C2orf49: variants seen among roughly 807,000 people sequenced by gnomAD.
C2orf49 encodes the protein tRNA splicing ligase complex subunit 2, also known as tRNA-splicing ligase complex subunit ASW.
A neutral mutation model predicts 20.6 loss-of-function variants in C2orf49; 11 were observed. The ratio of observed to expected loss-of-function variants is 0.53; its 90% CI spans 0.34 to 0.88. C2orf49 has a LOEUF of 0.88. Ranked by LOEUF, C2orf49 falls within the 40% of genes least tolerant of loss-of-function variation. C2orf49 has a pLI of 0.02. For missense variants in C2orf49, 289 were observed against 274.2 expected (o/e 1.05, Z -0.38); for synonymous variants, 134 against 108.5 (o/e 1.24, Z -1.46).
chr2:105,363,531 C>T, the C2orf49 span: 8 of 1,446,522 alleles, frequency 5.5e-6, no homozygotes, highest in South Asian at 9.2e-5. Flanking sequence ...TCTTCAGTCT[C>T]AGCTACTGCC....
chr2:105,361,286 G>A, the C2orf49 span: 6 of 1,612,060 alleles, frequency 3.7e-6, no homozygotes, highest in Admixed American at 1.7e-5. Flanking sequence ...GTTGAATTCA[G>A]ATGTCTTTCC....
chr2:105,364,254 AAAAAC>A, the C2orf49 span, among the ~76,000 whole-genome samples: 45,536 of 151,246 alleles, frequency 0.3, 7,532 homozygotes, highest in Non-Finnish European at 0.38. Context: ...AGACTGTCTC[AAAAAC>A]AAAACAAAAC....
chr2:105,353,326 G>A (rs1259175994), downstream of C2orf49, among the ~76,000 whole-genome samples: 4 of 152,128 alleles, frequency 2.6e-5, no homozygotes, highest in South Asian at 6.2e-4. Context: ...CCCTCAGAAC[G>A]TAGTGAGTAA....
chr2:105,356,460 A>G, the C2orf49 span, among the ~76,000 whole-genome samples: 1 of 152,052 alleles, frequency 6.6e-6, no homozygotes, highest in African/African-American at 2.4e-5. Flanking sequence ...CTGTAGCCCT[A>G]GCTACTTGAG....
chr2:105,341,650 G>C (rs955826016), intron 2 of C2orf49, among the ~76,000 whole-genome samples: 1 of 152,218 alleles, frequency 6.6e-6, no homozygotes, highest in African/African-American at 2.4e-5. Flanking sequence ...GATGTTCAGT[G>C]ATGACCCAAG....
At chr2:105,367,554 G>T in the C2orf49 span, 3 of 1,603,970 alleles carry the variant, frequency 1.9e-6, no homozygotes, top group Admixed American at 5.0e-5. Context: ...AAGGGCCAAG[G>T]GGGCATCTGA....
At chr2:105,342,738 T>G in intron 2 of C2orf49, 110 bp from the exon 3 acceptor site, 2 of 1,067,246 alleles carry the variant, frequency 1.9e-6, no homozygotes, top group Non-Finnish European at 2.7e-6. Flanking sequence ...AGTCTCAGAT[T>G]AGTCTTATCA....
the C2orf49 span, among the ~76,000 whole-genome samples, chr2:105,381,373 A>G: frequency 1.3e-5 from 2 of 152,132 alleles, no homozygotes. Flanking sequence ...TTACCCCGAC[A>G]GTCCCGTGAG....
At chr2:105,363,564 T>C in the C2orf49 span, 3 of 1,162,746 alleles carry the variant, frequency 2.6e-6, no homozygotes, top group Non-Finnish European at 3.6e-6. Context: ...AAGATCCTCA[T>C]CCAGAAACGT....
chr2:105,358,887 A>G, the C2orf49 span: 1 of 151,954 alleles, frequency 6.6e-6, no homozygotes, highest in Non-Finnish European at 1.5e-5. Context: ...CCTTTTCAGG[A>G]TTTTCTTCCT....
At chr2:105,343,500 T>G (rs1679730284) in intron 3 of C2orf49, among the ~76,000 whole-genome samples, 1 of 152,230 alleles carries the variant, frequency 6.6e-6, no homozygotes, top group Non-Finnish European at 1.5e-5. Context: ...TTTTTCTCAT[T>G]TAGTTCCTTT....
In C2orf49 at chr2:105,337,617, C is replaced by T; in HGVS notation, c.30C>T (p.Cys10=). 2 of 1,611,952 alleles carry T rather than the reference C, an allele frequency of 1.2e-6. No homozygotes were observed. The highest frequency in any genetic ancestry group is 1.1e-5 in the South Asian group (1 of 91,028). The change falls in exon 1 of 4, where the codon TGC becomes TGT. Residue 10 remains cysteine (C), a synonymous_variant. Transcript: ENST00000258457. MAGDVGGRS[C]TDSELLLHPE... ...CGGGGGATGTGGGCGGTCGCAGCTG[C>T]ACGGACTCGGAACTGCTGCTGCACC... is the stretch of plus-strand genomic sequence containing the variant.
rs1679810975 is a variant in C2orf49, at chr2:105,346,381, G to A, written c.*1010G>A. ...GATTCTGTACCTGGCCCATCCTTTA[G>A]AATGTTCTTGTCATGTAGCAGTCCT... On this transcript the variant is annotated 3_prime_UTR_variant, in exon 4 of 4. Transcript: ENST00000258457. 6.6e-6 allele frequency: 1 copy of A among 152,186 alleles called. No homozygotes were observed. Among genetic ancestry groups the A allele is most frequent in the Admixed American group, 6.5e-5 (1 of 15,274 alleles). The allele number at this position is 152,186 out of a possible 1,614,324, so 9.4% of individuals were successfully genotyped here.
rs563576882 is a variant in C2orf49, at chr2:105,338,536, T to A, written c.99+850T>A. On this transcript the variant is annotated intron_variant, in intron 1 of 3. Coordinates refer to ENST00000258457, the MANE Select transcript of C2orf49 (RefSeq NM_024093.3). ...AGTTCCGGAATGTGGCCCGAAATCT[T>A]GCATTTTTAACGAGCTTGTTGCTGG... Among the ~76,000 whole-genome samples the A allele has an allele frequency of 1.1e-4, 16 of 152,328 alleles. No homozygotes were observed. The South Asian group carries it at 3.3e-3, about 32-fold the overall frequency.
At chr2:105,359,952 A>C in the C2orf49 span, 1 of 152,332 alleles carries the variant, frequency 6.6e-6, no homozygotes, top group East Asian at 1.9e-4. Context: ...CTTCACTGTC[A>C]GTTTATGTTA....
chr2:105,363,435 G>A, the C2orf49 span: 1 of 1,612,148 alleles, frequency 6.2e-7, no homozygotes, highest in Non-Finnish European at 8.5e-7. Flanking sequence ...TTGTGCCAGG[G>A]CTGCTCCCGG....
chr2:105,373,548 T>C, the C2orf49 span: 2 of 1,613,674 alleles, frequency 1.2e-6, no homozygotes, highest in African/African-American at 2.7e-5. Flanking sequence ...GAGAAAGGAG[T>C]GCCTCCTGAC....
intron 2 of C2orf49, among the ~76,000 whole-genome samples, chr2:105,340,003 C>T (rs562136112): frequency 2.8e-4 from 43 of 152,276 alleles, no homozygotes; most frequent in African/African-American, 9.9e-4. Flanking sequence ...AGAAAGATTA[C>T]AATTTTTGGT....
chr2:105,337,721 G>GGGGGGGGGGGGGC, intron 1 of C2orf49, 35 bp downstream of exon 1: 1 of 26,800 alleles, frequency 3.7e-5, no homozygotes, highest in Non-Finnish European at 6.6e-5. Flanking sequence ...GGGCGGGTGG[G>GGGGGGGGGGGGGC]CCTTCCCAGG....
Sources: allele counts gnomAD v4.1 joint callset (sites outside exome capture counted in the v4.1 genomes callset), GRCh38; gene constraint gnomAD v4.1.1; transcripts MANE v1.5; gene names NCBI Gene and HGNC (gene_info 2026-07-23, HGNC 2026-07-21).